Variants in CDK13 observed in about 807,000 individuals in gnomAD.
CDK13 encodes the protein cyclin dependent kinase 13.
CDK13 carries 40 observed loss-of-function variants against 137.6 expected under a neutral mutation model. The observed-to-expected ratio is 0.29, with a 90% CI of 0.23 to 0.38. The LOEUF (loss-of-function observed/expected upper bound fraction) is 0.38. Among genes scored for constraint, CDK13 ranks in the 10% least tolerant of loss-of-function variants. CDK13 has a pLI of 1.00. For synonymous variants in CDK13, 869 were observed against 760.1 expected (o/e 1.14, Z -2.36); for missense variants, 1,704 against 1,951.8 (o/e 0.87, Z 2.39).
rs1245263146 is a variant in CDK13 at position 40,097,531 on chromosome 7, C to T, written c.*2551C>T. 2.0e-5 allele frequency: 3 copies of T among 152,060 alleles called. No homozygotes were observed. Among genetic ancestry groups the T allele is most frequent in the African/African-American group, 7.2e-5 (3 of 41,424 alleles). 9.4% of individuals were successfully genotyped at this position (152,060 alleles called of 1,614,324 possible). The stretch of plus-strand genomic sequence containing the variant: ...AAATCACTAGTTCTGTAGGTTATAA[C>T]AGCAGTCATCGCTGAAAATTTGAGT... On this transcript the variant is annotated 3_prime_UTR_variant, in exon 14 of 14. Coordinates refer to ENST00000181839, the MANE Select transcript of CDK13 (RefSeq NM_003718.5).
intron 9 of CDK13, among the ~76,000 whole-genome samples, chr7:40,064,094 G>A (rs1018318115): frequency 6.6e-6 from 1 of 151,962 alleles, no homozygotes; most frequent in Admixed American, 6.6e-5. Flanking sequence ...AGACCAGCCT[G>A]ACCAACATGG....
rs764395925 is a variant in CDK13, at chr7:39,976,323, T to TCACACACACACACACACACACA, written c.1212-11261_1212-11240dup. ...CTCTCTCTCTCTCTCTCTCTCTCTC[T>TCACACACACACACACACACACA]CACACACACACACACACACACACAC... On this transcript the variant is annotated intron_variant, in intron 1 of 13. Transcript: ENST00000181839. 1.5e-3 allele frequency among the ~76,000 whole-genome samples: 61 copies of TCACACACACACACACACACACA among 39,562 alleles called. 1 individual carries two copies. Among genetic ancestry groups the TCACACACACACACACACACACA allele is most frequent in the Middle Eastern group, 0.034 (2 of 58 alleles). The allele number at this position is 39,562 out of a possible 152,430, so 26.0% of individuals were successfully genotyped here. A position where few individuals can be genotyped will look rare whatever the true frequency, so the allele number is the denominator to read the frequency against.
At chr7:40,030,720 T>C (rs1785360478) in intron 5 of CDK13, among the ~76,000 whole-genome samples, 1 of 152,100 alleles carries the variant, frequency 6.6e-6, no homozygotes, top group Admixed American at 6.6e-5. Context: ...TTTTTAAACT[T>C]TATCCATAGT....
intron 1 of CDK13, among the ~76,000 whole-genome samples, chr7:39,965,603 T>C (rs1783853525): frequency 6.6e-6 from 1 of 152,226 alleles, no homozygotes; most frequent in Non-Finnish European, 1.5e-5. Flanking sequence ...AATTGGAGCA[T>C]TTAGCCCATT....
At chr7:40,001,291 G>C (rs1476380851) in intron 4 of CDK13, among the ~76,000 whole-genome samples, 1 of 150,542 alleles carries the variant, frequency 6.6e-6, no homozygotes, top group Non-Finnish European at 1.5e-5. Flanking sequence ...GGCGTGTCGT[G>C]ATCTTGGCTC....
At chr7:40,042,172 C>T (rs1163719785) in intron 5 of CDK13, among the ~76,000 whole-genome samples, 1 of 151,954 alleles carries the variant, frequency 6.6e-6, no homozygotes, top group Non-Finnish European at 1.5e-5. Context: ...CTCCGCCTCT[C>T]GGGTTCAAGT....
chr7:40,005,089 G>A (rs1784768854), intron 5 of CDK13, among the ~76,000 whole-genome samples: 1 of 150,824 alleles, frequency 6.6e-6, no homozygotes, highest in Non-Finnish European at 1.5e-5. Context: ...CAGGAGAATT[G>A]TTTGAACCTG....
At chr7:40,073,576 T>TTTTCTTTTTCTTTTTC (rs1420019108) in intron 9 of CDK13, 53 of 146,808 alleles carry the variant, frequency 3.6e-4, no homozygotes, top group African/African-American at 1.3e-3. Flanking sequence ...TTTTCTTTCT[T>TTTTCTTTTTCTTTTTC]TTTCTTTTTC....
Position 39,951,028 on chromosome 7 carries a change from C to A in CDK13, c.387C>A (p.Asp129Glu). The change falls in exon 1 of 14, where the codon GAC becomes GAA. Residue 129 changes from aspartate (D) to glutamate (E), a missense_variant. Physicochemically the swap from Asp to Glu is conservative, Grantham distance 45. Coordinates refer to ENST00000181839, the MANE Select transcript of CDK13 (RefSeq NM_003718.5). ...TCTCGCTGCCCCAGCCGCAGCAGGA[C>A]GGCGGTGGCGGTGCTAGTAGCGGCG... Reference protein sequence around the residue: ...RVFSLPQPQQDGGGGASSGGG... With the variant: ...RVFSLPQPQQEGGGGASSGGG... The A allele has an allele frequency of 7.7e-7, 1 of 1,294,968 alleles. No homozygotes were observed. Among genetic ancestry groups the A allele is most frequent in the South Asian group, 2.5e-5 (1 of 40,602 alleles). The allele number at this position is 1,294,968 out of a possible 1,614,324, so 80.2% of individuals were successfully genotyped here.
At chr7:40,081,476 C>G (rs12536190) in intron 11 of CDK13, among the ~76,000 whole-genome samples, 13,651 of 152,128 alleles carry the variant, frequency 0.09, 991 homozygotes, top group East Asian at 0.33. Context: ...TACGTTGTTC[C>G]ATTTTCATCT....
chr7:39,953,458 T>C (rs554748423), intron 1 of CDK13, among the ~76,000 whole-genome samples: 31 of 152,342 alleles, frequency 2.0e-4, no homozygotes, highest in African/African-American at 6.3e-4. Flanking sequence ...TTTGTACTTA[T>C]CAGGTTTTTT....
In CDK13 at chr7:40,097,466, T is replaced by C. The variant is rs1487503060; in HGVS notation, c.*2486T>C. 6.6e-6 allele frequency: 1 copy of C among 152,120 alleles called. No individual in the cohort carries two copies. The highest frequency in any genetic ancestry group is 6.5e-5 in the Admixed American group (1 of 15,274). The allele number at this position is 152,120 out of a possible 1,614,324, so 9.4% of individuals were successfully genotyped here. On this transcript the variant is annotated 3_prime_UTR_variant, in exon 14 of 14. Coordinates refer to ENST00000181839, the MANE Select transcript of CDK13 (RefSeq NM_003718.5). ...ATGCTTCCCTTCATAGCATTTAATA[T>C]TTTAATTCAGTGAATTTGGATTAAT...
At chr7:40,031,841 TTATTA>T in intron 5 of CDK13, among the ~76,000 whole-genome samples, 1 of 146,672 alleles carries the variant, frequency 6.8e-6, no homozygotes, top group African/African-American at 2.5e-5. Context: ...ATTATTATTA[TTATTA>T]TTATTATTAT....
At chr7:40,002,261 G>A in intron 5 of CDK13, 1 of 300,610 alleles carries the variant, frequency 3.3e-6, no homozygotes, top group South Asian at 6.7e-5. Flanking sequence ...GTATTCACTA[G>A]TAATATATGT....
In CDK13 at chr7:40,088,245, G is replaced by A; in HGVS notation, c.3149G>A (p.Gly1050Asp). 1 of 1,613,990 alleles carries A rather than the reference G, an allele frequency of 6.2e-7. No individual in the cohort carries two copies. Among genetic ancestry groups the A allele is most frequent in the Non-Finnish European group, 8.5e-7 (1 of 1,179,904 alleles). ...GCCCCCAGGAAGGACTTGTCTCTGG[G>A]CTTGGATGACAGCAGAACCAACACA... The part of the protein sequence containing the change: ...IKAPRKDLSL[G>D]LDDSRTNTPQ... The change falls in exon 12 of 14, where the codon GGC becomes GAC. Residue 1050 changes from glycine (G) to aspartate (D), a missense_variant. Gly to Asp is a moderately conservative substitution (Grantham distance 94, BLOSUM62 -1). Around this residue, in one of 5 missense-constraint regions of CDK13, gnomAD observed 475 missense variants for 579.3 expected, o/e 0.82. Coordinates refer to ENST00000181839, the MANE Select transcript of CDK13 (RefSeq NM_003718.5).
intron 5 of CDK13, among the ~76,000 whole-genome samples, chr7:40,031,828 G>A (rs201837941): frequency 7.7e-4 from 107 of 139,110 alleles, no homozygotes; most frequent in African/African-American, 2.5e-3. Flanking sequence ...TATTATTATT[G>A]TTATTATTAT....
At chr7:40,089,723 A>AGAGAGTGT (rs1491307176) in intron 12 of CDK13, among the ~76,000 whole-genome samples, 31 of 125,228 alleles carry the variant, frequency 2.5e-4, no homozygotes, top group South Asian at 4.5e-4. Flanking sequence ...AGAGAGAGAG[A>AGAGAGTGT]GTGTGTGTGT....
At chr7:40,005,497 A>G (rs893898938) in intron 5 of CDK13, among the ~76,000 whole-genome samples, 4 of 151,996 alleles carry the variant, frequency 2.6e-5, no homozygotes, top group Non-Finnish European at 4.4e-5. Context: ...GGGTTTCGCT[A>G]TGTTGGCCAG....
intron 7 of CDK13, among the ~76,000 whole-genome samples, chr7:40,050,494 C>T (rs1014599343): frequency 3.9e-5 from 6 of 152,182 alleles, no homozygotes; most frequent in Non-Finnish European, 5.9e-5. Flanking sequence ...CGGGTTCTAG[C>T]GATTCTCCAG....
Sources: allele counts gnomAD v4.1 joint callset (sites outside exome capture counted in the v4.1 genomes callset), GRCh38; gene constraint gnomAD v4.1.1; regional missense constraint gnomAD v4.1.1; transcripts MANE v1.5; gene names NCBI Gene and HGNC (gene_info 2026-07-23, HGNC 2026-07-21).